The following ACAN variants were observed in gnomAD, a reference collection of about 807,000 sequenced individuals.
ACAN encodes the protein aggrecan core protein.
ACAN carries 47 observed loss-of-function variants against 169.1 expected under a neutral mutation model. The observed-to-expected ratio is 0.28, with a 90% confidence interval of 0.22 to 0.35. The LOEUF (loss-of-function observed/expected upper bound fraction) is 0.35. Ranked by LOEUF, ACAN falls within the 10% of genes least tolerant of loss-of-function variation. ACAN has a pLI of 1.00. For synonymous variants in ACAN, 1,115 were observed against 1,112.2 expected (o/e 1.00, Z -0.05); for missense variants, 2,716 against 2,759.9 (o/e 0.98, Z 0.36).
At chr15:88,854,779 A>T in intron 11 of ACAN, 73 bp from the exon 12 acceptor site, 1 of 1,338,084 alleles carries the variant, frequency 7.5e-7, no homozygotes, top group Non-Finnish European at 9.6e-7. Flanking sequence ...TGGAGTTTAG[A>T]TTCTACATTT....
intron 1 of ACAN, among the ~76,000 whole-genome samples, chr15:88,818,581 A>G (rs1183276543): frequency 6.6e-6 from 1 of 152,292 alleles, no homozygotes; most frequent in East Asian, 1.9e-4. Context: ...TTCTCATACG[A>G]TATGGCCCTC....
chr15:88,810,385 G>A (rs1895791622), intron 1 of ACAN, among the ~76,000 whole-genome samples: 1 of 152,150 alleles, frequency 6.6e-6, no homozygotes, highest in African/African-American at 2.4e-5. Flanking sequence ...AGAGAAACGT[G>A]TAAGGCAAGT....
rs747701284 is a variant in ACAN at position 88,849,908 on chromosome 15, T to C, written c.2026+177T>C. ...CGCAGGCTTTGACCCCAAGGCAAGGTCATCCTTCTAAAGTTCCCCAGAGAC... is the reference window on the plus strand; with the variant it reads ...CGCAGGCTTTGACCCCAAGGCAAGGCCATCCTTCTAAAGTTCCCCAGAGAC... On this transcript the variant is annotated intron_variant, in intron 10 of 18. Transcript: ENST00000560601. The surrounding 1 kb of genome is among the most constrained non-coding windows in gnomAD (Gnocchi z 5.1). 2 of 894,100 alleles carry C rather than the reference T, an allele frequency of 2.2e-6. No individual in the cohort carries two copies. Among genetic ancestry groups the C allele is most frequent in the African/African-American group, 3.3e-5 (2 of 60,558 alleles). 55.4% of individuals were successfully genotyped at this position (894,100 alleles called of 1,614,324 possible).
At chr15:88,820,880 A>C (rs1292873076) in intron 1 of ACAN, among the ~76,000 whole-genome samples, 1 of 152,094 alleles carries the variant, frequency 6.6e-6, no homozygotes, top group Non-Finnish European at 1.5e-5. Context: ...GTAATTTATA[A>C]AGGAAAGAGG....
In ACAN at chr15:88,861,939, C is replaced by T. The variant is rs1235377787; in HGVS notation, c.6946+1500C>T. 6.6e-6 allele frequency among the ~76,000 whole-genome samples: 1 copy of T among 152,186 alleles called. No individual in the cohort carries two copies. The highest frequency in any genetic ancestry group is 1.5e-5 in the Non-Finnish European group (1 of 68,030). The stretch of plus-strand genomic sequence containing the variant: ...AGGGCTTTTGTTCCCACGATTTCTC[C>T]CCAGATGGCTCTGTAAGCAGCTTGG... On this transcript the variant is annotated intron_variant, in intron 13 of 18. Coordinates refer to ENST00000560601, the MANE Select transcript of ACAN (RefSeq NM_001369268.1). The surrounding 1 kb of genome is among the most constrained non-coding windows in gnomAD (Gnocchi z 6.3).
intron 1 of ACAN, among the ~76,000 whole-genome samples, chr15:88,823,468 A>G (rs11635398): frequency 0.19 from 28,884 of 151,412 alleles, 3,259 homozygotes; most frequent in East Asian, 0.34. Context: ...GTGTCCCTGG[A>G]TGAGTGAAGC....
At chr15:88,842,726 G>T (rs1896696436) in intron 5 of ACAN, among the ~76,000 whole-genome samples, 2 of 152,118 alleles carry the variant, frequency 1.3e-5, no homozygotes, top group Admixed American at 1.3e-4. Flanking sequence ...AAATAGAACT[G>T]CCAGTTAGAG....
chr15:88,859,165 G>A lies in ACAN; in HGVS notation c.6580G>A (p.Asp2194Asn), dbSNP rs1238866748. 6.2e-7 allele frequency: 1 copy of A among 1,613,852 alleles called. No individual in the cohort carries two copies. Among genetic ancestry groups the A allele is most frequent in the Non-Finnish European group, 8.5e-7 (1 of 1,179,914 alleles). Residue 2194 changes from aspartate (D) to asparagine (N), a missense_variant, in exon 12 of 19, where the codon GAC (aspartate) becomes AAC (asparagine). By Grantham distance (23) the Asp-to-Asn change is conservative. Around this residue, in one of 3 missense-constraint regions of ACAN, gnomAD observed 1,389 missense variants for 1,363.7 expected, o/e 1.02. Coordinates refer to ENST00000560601, the MANE Select transcript of ACAN (RefSeq NM_001369268.1). The stretch of plus-strand genomic sequence containing the variant: ...TTCAGCCACTCCCACGGCTTCTGGA[G>A]ACAGGACTGAAATCAGCGGAGACCT... ...LPSATPTASG[D>N]RTEISGDLSG...
chr15:88,826,022 C>T (rs1301103231), intron 1 of ACAN, among the ~76,000 whole-genome samples: 2 of 152,232 alleles, frequency 1.3e-5, no homozygotes, highest in African/African-American at 4.8e-5. Context: ...ACCCCTCTCC[C>T]TGTCCCTCTG....
chr15:88,803,516 C>G lies in ACAN; in HGVS notation c.-301C>G, dbSNP rs1479137256. 6.7e-6 allele frequency: 1 copy of G among 150,108 alleles called. No homozygotes were observed. The highest frequency in any genetic ancestry group is 1.5e-5 in the Non-Finnish European group (1 of 67,492). The allele number at this position is 150,108 out of a possible 1,614,324, so 9.3% of individuals were successfully genotyped here. On this transcript the variant is annotated 5_prime_UTR_variant, in exon 1 of 19. Transcript: ENST00000560601. ...GCGCAGCGCTGCTCAAGGTCTCTCT[C>G]TCTCAGCACCCTCGCCGGCCGGCGT... is the stretch of plus-strand genomic sequence containing the variant.
At chr15:88,831,440 G>C (rs1372262966) in intron 1 of ACAN, among the ~76,000 whole-genome samples, 3 of 152,258 alleles carry the variant, frequency 2.0e-5, no homozygotes, top group Non-Finnish European at 4.4e-5. Flanking sequence ...TGAGCCTCCA[G>C]TCCCATCCTC....
chr15:88,810,471 G>T (rs1429115871), intron 1 of ACAN, among the ~76,000 whole-genome samples: 1 of 151,978 alleles, frequency 6.6e-6, no homozygotes, highest in Non-Finnish European at 1.5e-5. Flanking sequence ...CTGTGTAGGG[G>T]ATTTTTCCCA....
In ACAN at chr15:88,840,867, G is replaced by A. The variant is rs371189995; in HGVS notation, c.629+681G>A. Among the ~76,000 whole-genome samples the A allele has an allele frequency of 1.5e-4, 23 of 152,248 alleles. No homozygotes were observed. The South Asian group carries it at 1.7e-3, about 11-fold the overall frequency. ...GGGGCATAAAGAACTGGACTCAGCCGGGCGCAGTGGCTCATGCCTGTAATC... is the reference window on the plus strand; with the variant it reads ...GGGGCATAAAGAACTGGACTCAGCCAGGCGCAGTGGCTCATGCCTGTAATC... On this transcript the variant is annotated intron_variant, in intron 4 of 18. Coordinates refer to ENST00000560601, the MANE Select transcript of ACAN (RefSeq NM_001369268.1).
rs1002006876 is a variant in ACAN at position 88,870,884 on chromosome 15, C to G, written c.7061-498C>G. On this transcript the variant is annotated intron_variant, in intron 14 of 18. Coordinates refer to ENST00000560601, the MANE Select transcript of ACAN (RefSeq NM_001369268.1). The surrounding 1 kb of genome is among the most constrained non-coding windows in gnomAD (Gnocchi z 6.3). ...GCAGACTTATTTCTGCTCCTCTGTT[C>G]CCACCTGAGGTTCTGCAGGAAGGAA... Among the ~76,000 whole-genome samples, 1 of 152,168 alleles carries G rather than the reference C, an allele frequency of 6.6e-6. No individual in the cohort carries two copies. The highest frequency in any genetic ancestry group is 2.4e-5 in the African/African-American group (1 of 41,418).
Position 88,849,762 on chromosome 15 carries a change from C to A in ACAN, c.2026+31C>A, listed in dbSNP as rs1203953216. 1 of 1,608,696 alleles carries A rather than the reference C, an allele frequency of 6.2e-7. No individual in the cohort carries two copies. The highest frequency in any genetic ancestry group is 2.2e-5 in the East Asian group (1 of 44,598). On this transcript the variant is annotated intron_variant, in intron 10 of 18. Transcript: ENST00000560601. The surrounding 1 kb of genome is among the most constrained non-coding windows in gnomAD (Gnocchi z 5.1). ...CAGCCTCACTTCGGCTCCAACAGCCCCTTTTGTCTGGAGAGGACCCCACTG... is the reference window on the plus strand; with the variant it reads ...CAGCCTCACTTCGGCTCCAACAGCCACTTTTGTCTGGAGAGGACCCCACTG...
rs752607048 is a variant in ACAN at position 88,845,472 on chromosome 15, A to G, written c.1052-33A>G. ...TCCCCCTCAAGCCGGTCCCAGGCTGAGAGGCTAAAGCTTGTCTTTGCCCCT... is the reference window on the plus strand; with the variant it reads ...TCCCCCTCAAGCCGGTCCCAGGCTGGGAGGCTAAAGCTTGTCTTTGCCCCT... On this transcript the variant is annotated intron_variant, in intron 6 of 18. Coordinates refer to ENST00000560601, the MANE Select transcript of ACAN (RefSeq NM_001369268.1). The G allele has an allele frequency of 5.8e-6, 9 of 1,563,292 alleles. No individual in the cohort carries two copies. The South Asian group carries it at 9.7e-5, about 17-fold the overall frequency.
In ACAN at chr15:88,873,367, C is replaced by T. The variant is rs1298327901; in HGVS notation, c.7447+342C>T. ...AAGGGCCCCCAGATGGGGAGCCTCC[C>T]TGTCTTTGGGATTCCCAAGGCCATC... On this transcript the variant is annotated intron_variant, in intron 17 of 18. Coordinates refer to ENST00000560601, the MANE Select transcript of ACAN (RefSeq NM_001369268.1). This position sits in a 1 kb window ranked among gnomAD's most constrained non-coding sequence, Gnocchi z 7.5. 6.6e-6 allele frequency among the ~76,000 whole-genome samples: 1 copy of T among 152,216 alleles called. No individual in the cohort carries two copies. Among genetic ancestry groups the T allele is most frequent in the African/African-American group, 2.4e-5 (1 of 41,444 alleles).
In ACAN at chr15:88,845,558, G is replaced by A. The variant is rs1567178760; in HGVS notation, c.1105G>A (p.Asp369Asn). The A allele has an allele frequency of 3.7e-6, 6 of 1,613,690 alleles. No homozygotes were observed. The highest frequency in any genetic ancestry group is 2.7e-5 in the African/African-American group (2 of 74,932). The stretch of plus-strand genomic sequence containing the variant: ...CTTCTTTGGAGTGGGGGGTGAGGAG[G>A]ACATCACCGTCCAGACAGTGACCTG... ...ENFFGVGGEE[D>N]ITVQTVTWPD... The change falls in exon 7 of 19, where the codon GAC becomes AAC. Residue 369 changes from aspartate (D) to asparagine (N), a missense_variant. Asp to Asn is a conservative substitution (Grantham distance 23). Coordinates refer to ENST00000560601, the MANE Select transcript of ACAN (RefSeq NM_001369268.1).
At position 88,857,777 on chromosome 15, in the gene ACAN, G is replaced by T. The variant is rs1389341484; in HGVS notation, c.5192G>T (p.Gly1731Val). ...CCTGATGTCAGTGGGGAAATACCTG[G>T]ACTCTTTGGTGTCAGTGGACAGCCA... ...GSPDVSGEIP[G>V]LFGVSGQPSG... Residue 1731 changes from glycine (G) to valine (V), a missense_variant, in exon 12 of 19, where the codon GGA becomes GTA. Transcript: ENST00000560601. 1 of 1,613,976 alleles carries T rather than the reference G, an allele frequency of 6.2e-7. No homozygotes were observed. The highest frequency in any genetic ancestry group is 1.1e-5 in the South Asian group (1 of 91,084).
Sources: allele counts gnomAD v4.1 joint callset (sites outside exome capture counted in the v4.1 genomes callset), GRCh38; gene constraint gnomAD v4.1.1; regional missense constraint gnomAD v4.1.1; non-coding constraint Gnocchi (gnomAD v3.1); transcripts MANE v1.5; gene names NCBI Gene and HGNC (gene_info 2026-07-23, HGNC 2026-07-21).